Variants in ZMYND8 observed in about 807,000 individuals in gnomAD.
The protein encoded by ZMYND8 is MYND-type zinc finger-containing chromatin reader ZMYND8.
In ZMYND8, 37 loss-of-function variants were observed where a neutral mutation model predicts 140.8. That is an observed-to-expected ratio of 0.26 (90% confidence interval 0.20 to 0.35). The LOEUF is 0.35. Among genes scored for constraint, ZMYND8 ranks in the 10% least tolerant of loss-of-function variants. The pLI is 1.00. For missense variants in ZMYND8, 1,068 were observed against 1,570.0 expected, an observed-to-expected ratio of 0.68 and a Z score of 5.40; for synonymous variants, 592 against 597.1, an observed-to-expected ratio of 0.99 and a Z score of 0.12.
Position 47,224,475 on chromosome 20 carries a change from A to G in ZMYND8, c.3098T>C (p.Leu1033Ser). 6.2e-7 allele frequency: 1 copy of G among 1,614,138 alleles called. No individual in the cohort carries two copies. Among genetic ancestry groups the G allele is most frequent in the Non-Finnish European group, 8.5e-7 (1 of 1,180,022 alleles). ...LIAEVKKQLE[L>S]EKQQAVDETK... is the part of the protein sequence containing the mutation. Reference sequence around the variant, plus strand: ...CTCATCCACCGCCTGCTGCTTCTCCAACTCCAGCTGCTTCTTCACCTCGGC... The same window carrying G: ...CTCATCCACCGCCTGCTGCTTCTCCGACTCCAGCTGCTTCTTCACCTCGGC... Residue 1033 changes from leucine (L) to serine (S), a missense_variant, in exon 19 of 23, where the codon TTG (leucine) becomes TCG (serine). This residue lies in a region of ZMYND8 where 87 missense variants were observed against 151.1 expected (regional missense o/e 0.58). Transcript: ENST00000471951.
At chr20:47,268,197 C>T (rs1471419584) in intron 11 of ZMYND8, among the ~76,000 whole-genome samples, 1 of 151,940 alleles carries the variant, frequency 6.6e-6, no homozygotes, top group Non-Finnish European at 1.5e-5. Flanking sequence ...CAGTGAGTCT[C>T]GACTGGTCCA....
chr20:47,219,177 C>T (rs1486375067), intron 21 of ZMYND8, among the ~76,000 whole-genome samples: 1 of 150,758 alleles, frequency 6.6e-6, no homozygotes, highest in East Asian at 2.0e-4. Context: ...CCTGCCTCAG[C>T]CTCCCAAGTA....
At chr20:47,265,453 T>G (rs143677504) in intron 11 of ZMYND8, among the ~76,000 whole-genome samples, 1 of 152,212 alleles carries the variant, frequency 6.6e-6, no homozygotes, top group South Asian at 2.1e-4. Context: ...TTTGTTTGTT[T>G]GTTTTGAGAC....
chr20:47,259,938 G>A (rs1195017932), intron 12 of ZMYND8, among the ~76,000 whole-genome samples: 1 of 152,044 alleles, frequency 6.6e-6, no homozygotes, highest in South Asian at 2.1e-4. Flanking sequence ...CCTGAACCTG[G>A]CCACAGGGAA....
At chr20:47,211,205 C>T (rs938058732) in intron 22 of ZMYND8, among the ~76,000 whole-genome samples, 10 of 152,188 alleles carry the variant, frequency 6.6e-5, no homozygotes, top group African/African-American at 2.4e-4. Context: ...GTGTCTGGAA[C>T]CGTGTATCCT....
At chr20:47,295,613 G>A (rs1398934951) in intron 4 of ZMYND8, among the ~76,000 whole-genome samples, 2 of 152,192 alleles carry the variant, frequency 1.3e-5, no homozygotes, top group Non-Finnish European at 2.9e-5. Context: ...CTAATAATAC[G>A]TATGACTTCA....
chr20:47,284,150 T>C (rs1043188470), intron 8 of ZMYND8, among the ~76,000 whole-genome samples: 20 of 152,258 alleles, frequency 1.3e-4, no homozygotes, highest in African/African-American at 4.8e-4. Flanking sequence ...CTCAAACTCC[T>C]GGCCTCAAGC....
intron 16 of ZMYND8, among the ~76,000 whole-genome samples, chr20:47,233,541 T>C (rs937580856): frequency 1.3e-5 from 2 of 152,154 alleles, no homozygotes; most frequent in South Asian, 4.1e-4. Context: ...ATAAAAGTCA[T>C]GTGGCAACAG....
rs1355506584 is a variant in ZMYND8 at position 47,350,345 on chromosome 20, A to AC, written c.15-2420_15-2419insG. Among the ~76,000 whole-genome samples the AC allele has an allele frequency of 3.1e-4, 46 of 146,868 alleles. 1 individual carries two copies. The highest frequency in any genetic ancestry group is 6.9e-4 in the African/African-American group (27 of 38,908). ...TAAAAGGAGAAAAAAAAAAAAAAAA[A>AC]AAAAAAACTTCATTTACAAAAGCAA... On this transcript the variant is annotated intron_variant, in intron 1 of 22. Coordinates refer to ENST00000471951, the MANE Select transcript of ZMYND8 (RefSeq NM_001281775.3).
intron 5 of ZMYND8, among the ~76,000 whole-genome samples, chr20:47,294,373 A>AAC (rs547827290): frequency 2.3e-4 from 35 of 149,806 alleles, no homozygotes; most frequent in African/African-American, 7.9e-4. Flanking sequence ...CAAACAAACA[A>AAC]AAAAAAAAAC....
At chr20:47,307,162 G>A (rs772112175) in intron 3 of ZMYND8, among the ~76,000 whole-genome samples, 19 of 152,188 alleles carry the variant, frequency 1.2e-4, no homozygotes, top group Admixed American at 2.0e-4. Context: ...AAGGGACCCC[G>A]GAACTTGGCC....
At chr20:47,213,833 C>T (rs1486449335) in intron 21 of ZMYND8, among the ~76,000 whole-genome samples, 7 of 152,096 alleles carry the variant, frequency 4.6e-5, no homozygotes, top group Admixed American at 3.9e-4. Flanking sequence ...ATGATGAAGT[C>T]AAGAAATAGA....
At chr20:47,219,075 T>TTTTTTTTTTTTTG (rs1374089864) in intron 21 of ZMYND8, among the ~76,000 whole-genome samples, 1 of 148,544 alleles carries the variant, frequency 6.7e-6, no homozygotes, top group Admixed American at 6.7e-5. Context: ...TTTTTTTTTT[T>TTTTTTTTTTTTTG]GAGAGAGAGT....
At chr20:47,219,025 T>C (rs1484774501) in intron 21 of ZMYND8, among the ~76,000 whole-genome samples, 1 of 147,732 alleles carries the variant, frequency 6.8e-6, no homozygotes, top group Non-Finnish European at 1.5e-5. Flanking sequence ...AAGACCAACC[T>C]GGCCAACATG....
At chr20:47,275,724 A>G (rs2076216567) in intron 11 of ZMYND8, among the ~76,000 whole-genome samples, 1 of 151,998 alleles carries the variant, frequency 6.6e-6, no homozygotes, top group African/African-American at 2.4e-5. Flanking sequence ...CACCTCAACT[A>G]TAGTCCCAGA....
chr20:47,280,950 C>A (rs1266180709), intron 10 of ZMYND8, among the ~76,000 whole-genome samples: 1 of 152,160 alleles, frequency 6.6e-6, no homozygotes, highest in Admixed American at 6.5e-5. Flanking sequence ...ACCAGGCCCC[C>A]ACCACTACCT....
At chr20:47,314,640 C>T (rs1260830110) in intron 2 of ZMYND8, among the ~76,000 whole-genome samples, 1 of 152,166 alleles carries the variant, frequency 6.6e-6, no homozygotes, top group South Asian at 2.1e-4. Flanking sequence ...TTGAGGAACG[C>T]TAGGGTATGT....
chr20:47,313,437 A>G (rs565867786), intron 2 of ZMYND8, among the ~76,000 whole-genome samples: 4 of 152,022 alleles, frequency 2.6e-5, no homozygotes, highest in Non-Finnish European at 4.4e-5. Context: ...CCTGGCTAAC[A>G]TGGTGAAACC....
At chr20:47,224,726 C>T (rs983106175) in intron 18 of ZMYND8, among the ~76,000 whole-genome samples, 170 bp from the exon 19 acceptor site, 1 of 152,210 alleles carries the variant, frequency 6.6e-6, no homozygotes, top group Non-Finnish European at 1.5e-5. Context: ...GTAAATAGGG[C>T]ATTCATCATG....
Sources: allele counts gnomAD v4.1 joint callset (sites outside exome capture counted in the v4.1 genomes callset), GRCh38; gene constraint gnomAD v4.1.1; regional missense constraint gnomAD v4.1.1; transcripts MANE v1.5; gene names NCBI Gene and HGNC (gene_info 2026-07-23, HGNC 2026-07-21).